LUZP2: variants seen among roughly 807,000 people sequenced by gnomAD.
The protein encoded by LUZP2 is leucine zipper protein 2.
In LUZP2, 52 loss-of-function variants were observed where a neutral mutation model predicts 51.6. The observed-to-expected ratio is 1.01, with a 90% CI of 0.81 to 1.27. LUZP2 has a LOEUF of 1.27. LUZP2 is among the 50% of genes most tolerant of loss of function. The pLI is 0.00. For missense variants in LUZP2, 436 were observed against 395.4 expected (o/e 1.10, Z -0.87); for synonymous variants, 154 against 137.3 (o/e 1.12, Z -0.85).
intron 5 of LUZP2, among the ~76,000 whole-genome samples, chr11:24,874,117 G>A (rs972994938): frequency 1.1e-4 from 17 of 152,158 alleles, no homozygotes; most frequent in Admixed American, 6.6e-5. Flanking sequence ...GCTTGTGTGT[G>A]CGTAAGACTC....
At chr11:25,017,292 T>G (rs745737628) in intron 9 of LUZP2, among the ~76,000 whole-genome samples, 1 of 152,192 alleles carries the variant, frequency 6.6e-6, no homozygotes, top group South Asian at 2.1e-4. Context: ...CCCACTTATT[T>G]ATTTTTGTTT....
chr11:24,637,163 G>A (rs1855133627), intron 1 of LUZP2, among the ~76,000 whole-genome samples: 1 of 151,812 alleles, frequency 6.6e-6, no homozygotes, highest in South Asian at 2.1e-4. Context: ...TTATAAAATT[G>A]TTGTGGGAAG....
intron 1 of LUZP2, among the ~76,000 whole-genome samples, chr11:24,617,861 TAAA>T (rs1854342549): frequency 3.3e-5 from 5 of 151,912 alleles, no homozygotes; most frequent in African/African-American, 1.2e-4. Flanking sequence ...AATAAATAAA[TAAA>T]TAAATTAAAT....
chr11:24,842,478 T>C (rs1267839029), intron 5 of LUZP2, among the ~76,000 whole-genome samples: 1 of 151,894 alleles, frequency 6.6e-6, no homozygotes, highest in East Asian at 1.9e-4. Context: ...CAATGTACAC[T>C]ATATTAATTG....
At chr11:24,806,382 CAG>C (rs1429328050) in intron 5 of LUZP2, among the ~76,000 whole-genome samples, 1 of 152,136 alleles carries the variant, frequency 6.6e-6, no homozygotes, top group Non-Finnish European at 1.5e-5. Context: ...CCACTATTGC[CAG>C]AGTTTGTTTA....
At chr11:24,924,727 G>C (rs927847946) in intron 7 of LUZP2, among the ~76,000 whole-genome samples, 2 of 152,160 alleles carry the variant, frequency 1.3e-5, no homozygotes, top group African/African-American at 4.8e-5. Flanking sequence ...CATGTAAGAT[G>C]TTCATTGGTT....
chr11:25,003,726 C>T (rs7936588), intron 9 of LUZP2, among the ~76,000 whole-genome samples: 12,557 of 152,086 alleles, frequency 0.083, 1,521 homozygotes, highest in African/African-American at 0.26. Flanking sequence ...ATTTTTTGCC[C>T]TTCCAAATTG....
At chr11:24,716,945 G>A (rs909501209) in intron 1 of LUZP2, among the ~76,000 whole-genome samples, 2 of 151,842 alleles carry the variant, frequency 1.3e-5, no homozygotes, top group Non-Finnish European at 2.9e-5. Context: ...AAAAAATGAA[G>A]AAGTACATGC....
intron 1 of LUZP2, among the ~76,000 whole-genome samples, chr11:24,643,219 G>A (rs147834378): frequency 1.0e-4 from 14 of 134,634 alleles, no homozygotes; most frequent in African/African-American, 3.9e-4. Flanking sequence ...GACCAGCCTG[G>A]CCAACATGGT....
intron 9 of LUZP2, among the ~76,000 whole-genome samples, chr11:24,997,923 C>T (rs1381765961): frequency 3.3e-5 from 5 of 152,070 alleles, no homozygotes; most frequent in Non-Finnish European, 7.4e-5. Context: ...AAAGATCGGA[C>T]AGTTGTAGAT....
chr11:24,687,318 T>C (rs1017018345), intron 1 of LUZP2, among the ~76,000 whole-genome samples: 2 of 152,184 alleles, frequency 1.3e-5, no homozygotes, highest in Admixed American at 1.3e-4. Context: ...GTCTTTGAAT[T>C]TCAAAAGTAG....
chr11:24,766,604 A>G (rs771190717), intron 5 of LUZP2, among the ~76,000 whole-genome samples: 78 of 152,222 alleles, frequency 5.1e-4, no homozygotes, highest in Non-Finnish European at 6.8e-4. Flanking sequence ...AAAAATCTGC[A>G]TCAAATTTTA....
At position 24,657,782 on chromosome 11, in the gene LUZP2, TAACA is replaced by T. The variant is rs1855860170; in HGVS notation, c.63-71382_63-71379del. On this transcript the variant is annotated intron_variant, in intron 1 of 11. Coordinates refer to ENST00000336930, the MANE Select transcript of LUZP2 (RefSeq NM_001009909.4). ...AATCACAAGCATTCTTATACACCAT[TAACA>T]AACAGAGAGCCAAATCATGAGTGAA... Among the ~76,000 whole-genome samples the T allele has an allele frequency of 3.3e-5, 5 of 151,412 alleles. No individual in the cohort carries two copies. The South Asian group carries it at 1.0e-3, about 32-fold the overall frequency.
At chr11:24,555,637 G>T (rs1509605) in intron 1 of LUZP2, among the ~76,000 whole-genome samples, 59,117 of 151,964 alleles carry the variant, frequency 0.39, 13,266 homozygotes, top group East Asian at 0.58. Flanking sequence ...TGAGTCCAAA[G>T]ATATTCATTC....
intron 3 of LUZP2, among the ~76,000 whole-genome samples, chr11:24,737,765 A>C: frequency 6.6e-6 from 1 of 152,090 alleles, no homozygotes; most frequent in Non-Finnish European, 1.5e-5. Flanking sequence ...CTTACAAAGG[A>C]TGTATAAAGC....
At chr11:25,075,035 A>C (rs1415658848) in intron 10 of LUZP2, among the ~76,000 whole-genome samples, 1 of 152,152 alleles carries the variant, frequency 6.6e-6, no homozygotes, top group Non-Finnish European at 1.5e-5. Context: ...ATTTCTTACA[A>C]TTAGTTAATT....
At chr11:24,926,455 GTA>G (rs1194719677) in intron 7 of LUZP2, among the ~76,000 whole-genome samples, 129 of 136,314 alleles carry the variant, frequency 9.5e-4, no homozygotes, top group African/African-American at 3.2e-3. Context: ...ATATGTGTGT[GTA>G]TATATATACG....
chr11:24,998,533 G>A (rs1223397604), intron 9 of LUZP2, among the ~76,000 whole-genome samples: 1 of 152,128 alleles, frequency 6.6e-6, no homozygotes, highest in African/African-American at 2.4e-5. Context: ...AGACAATGGG[G>A]TTTTTCTCGT....
At chr11:24,767,941 C>G (rs1860255848) in intron 5 of LUZP2, among the ~76,000 whole-genome samples, 1 of 151,120 alleles carries the variant, frequency 6.6e-6, no homozygotes, top group Admixed American at 6.6e-5. Flanking sequence ...CTGACTTTCA[C>G]TTTCAAAACA....
Sources: gnomAD v4.1 joint callset for allele counts (sites outside exome capture counted in the v4.1 genomes callset) on GRCh38, gnomAD v4.1.1 for gene constraint, MANE v1.5 for transcripts, NCBI Gene and HGNC (gene_info 2026-07-23, HGNC 2026-07-21) for gene names.